The following DPYSL2 variants were observed in gnomAD, a reference collection of about 807,000 sequenced individuals.
DPYSL2 encodes the protein dihydropyrimidinase like 2, also known as dihydropyrimidinase-related protein 2.
In DPYSL2, 13 loss-of-function variants were observed where a neutral mutation model predicts 69.9. That is an observed-to-expected ratio of 0.19 (90% CI 0.12 to 0.30). The LOEUF is 0.30. DPYSL2 is among the 10% of genes least tolerant of loss of function. DPYSL2 has a pLI of 1.00. For synonymous variants in DPYSL2, 326 were observed against 359.1 expected (o/e 0.91, Z 1.04); for missense variants, 587 against 918.9 (o/e 0.64, Z 4.67).
chr8:26,546,921 C>CAAAAAAA lies in DPYSL2; in HGVS notation c.354+32266_354+32272dup, dbSNP rs61360009. ...TGGGCGACTGAGGGAGACTCAGTCT[C>CAAAAAAA]AAAAAAAAAAAAAAAAAAAAAAAAA... On this transcript the variant is annotated intron_variant, in intron 1 of 13. Coordinates refer to ENST00000521913, the MANE Select transcript of DPYSL2 (RefSeq NM_001197293.3). 5.6e-4 allele frequency among the ~76,000 whole-genome samples: 26 copies of CAAAAAAA among 46,212 alleles called. 1 individual carries two copies. The highest frequency in any genetic ancestry group is 1.5e-3 in the African/African-American group (13 of 8,886). The allele number at this position is 46,212 out of a possible 152,430, so 30.3% of individuals were successfully genotyped here.
chr8:26,529,106 G>A (rs938770480), intron 1 of DPYSL2, among the ~76,000 whole-genome samples: 2 of 152,118 alleles, frequency 1.3e-5, no homozygotes, highest in African/African-American at 4.8e-5. Flanking sequence ...TCCAGGATCG[G>A]CAAGGCCCCA....
At chr8:26,583,729 A>C in intron 2 of DPYSL2, 70 bp from the exon 3 acceptor site, 1 of 1,413,180 alleles carries the variant, frequency 7.1e-7, no homozygotes, top group Admixed American at 2.0e-5. Context: ...AGGTTAGTGA[A>C]AGTAGCTGTC....
Position 26,624,913 on chromosome 8 carries a change from C to G in DPYSL2, c.793+606C>G, listed in dbSNP as rs551677569. On this transcript the variant is annotated intron_variant, in intron 4 of 13. Transcript: ENST00000521913. This position sits in a 1 kb window ranked among gnomAD's most constrained non-coding sequence, Gnocchi z 4.7. ...CTGGGACTCTTGTCAACAAGAACCT[C>G]GGGGGTTTGCGGGGAAGAGCCAGGC... Among the ~76,000 whole-genome samples, 1 of 152,140 alleles carries G rather than the reference C, an allele frequency of 6.6e-6. No homozygotes were observed. Among genetic ancestry groups the G allele is most frequent in the Non-Finnish European group, 1.5e-5 (1 of 68,004 alleles).
Position 26,624,190 on chromosome 8 carries a change from G to A in DPYSL2, c.676G>A (p.Asp226Asn), listed in dbSNP as rs776680487. The change falls in exon 4 of 14, where the codon GAC (aspartate) becomes AAC (asparagine). Residue 226 changes from aspartate to asparagine, a missense_variant. By Grantham distance (23) the Asp-to-Asn change is conservative (BLOSUM62 1). Coordinates refer to ENST00000521913, the MANE Select transcript of DPYSL2 (RefSeq NM_001197293.3). This position sits in a 1 kb window ranked among gnomAD's most constrained non-coding sequence, Gnocchi z 4.7. ...TGGGACAAGCCTGCTCGCTGCCTTT[G>A]ACCAGTGGAGGGAATGGGCCGACAG... ...EPGTSLLAAF[D>N]QWREWADSKS... 1.2e-6 allele frequency: 2 copies of A among 1,614,180 alleles called. No individual in the cohort carries two copies. Among genetic ancestry groups the A allele is most frequent in the Admixed American group, 3.3e-5 (2 of 60,024 alleles).
chr8:26,592,215 G>A (rs1222366734), intron 3 of DPYSL2, among the ~76,000 whole-genome samples: 1 of 152,170 alleles, frequency 6.6e-6, no homozygotes, highest in Non-Finnish European at 1.5e-5. Flanking sequence ...AGGCTGTAGT[G>A]CAGTGTTGCG....
rs1348782046 is a variant in DPYSL2 at position 26,549,628 on chromosome 8, C to T, written c.355-32341C>T. Among the ~76,000 whole-genome samples the T allele has an allele frequency of 2.6e-5, 4 of 152,186 alleles. No homozygotes were observed. In the East Asian group the frequency reaches 7.7e-4, roughly 29 times the overall value. ...TATCCCTGGGCATATCACATTCAAG[C>T]TGCAGAAAATCAAAGACAGAAAGAA... On this transcript the variant is annotated intron_variant, in intron 1 of 13. Transcript: ENST00000521913.
chr8:26,531,539 G>A (rs1270989747), intron 1 of DPYSL2, among the ~76,000 whole-genome samples: 1 of 152,202 alleles, frequency 6.6e-6, no homozygotes, highest in Non-Finnish European at 1.5e-5. Context: ...GCCATCTAGA[G>A]CTGGGATGAA....
Position 26,593,864 on chromosome 8 carries a change from ACT to A in DPYSL2, c.628+9886_628+9887del. On this transcript the variant is annotated intron_variant, in intron 3 of 13. Transcript: ENST00000521913. The surrounding 1 kb of genome is among the most constrained non-coding windows in gnomAD (Gnocchi z 5.7). Reference sequence around the variant, plus strand: ...AATCTGTAGTGTTTATGACCTAATCACTCTCTAATGATAGGTCAGGACTGGAA... The same window carrying A: ...AATCTGTAGTGTTTATGACCTAATCACTCTAATGATAGGTCAGGACTGGAA... Among the ~76,000 whole-genome samples, 1 of 151,966 alleles carries A rather than the reference ACT, an allele frequency of 6.6e-6. No individual in the cohort carries two copies. Among genetic ancestry groups the A allele is most frequent in the South Asian group, 2.1e-4 (1 of 4,806 alleles).
At chr8:26,637,866 A>G (rs566885113) in intron 8 of DPYSL2, 1 of 152,338 alleles carries the variant, frequency 6.6e-6, no homozygotes, top group East Asian at 1.9e-4. Flanking sequence ...TATTGCAGGT[A>G]AAGATGGAGA....
At chr8:26,622,152 T>TC (rs1211160275) in intron 3 of DPYSL2, among the ~76,000 whole-genome samples, 1,874 of 65,098 alleles carry the variant, frequency 0.029, 24 homozygotes, top group Middle Eastern at 0.042. Flanking sequence ...CTTCCTTCCT[T>TC]CCTTCCCTCT....
At chr8:26,557,615 TA>T (rs1801009262) in intron 1 of DPYSL2, among the ~76,000 whole-genome samples, 1 of 5,256 alleles carries the variant, frequency 1.9e-4, no homozygotes. Flanking sequence ...CTGTCTCTAC[TA>T]AAAATACAAA....
intron 1 of DPYSL2, among the ~76,000 whole-genome samples, chr8:26,551,329 C>T (rs1800870694): frequency 6.6e-6 from 1 of 152,136 alleles, no homozygotes; most frequent in African/African-American, 2.4e-5. Context: ...GGAAAATTAT[C>T]AGGGATAAAG....
chr8:26,573,407 G>C (rs768984827), intron 1 of DPYSL2, among the ~76,000 whole-genome samples: 1 of 151,940 alleles, frequency 6.6e-6, no homozygotes, highest in Admixed American at 6.6e-5. Context: ...GGTGGCTCAC[G>C]CCTGTAATCC....
chr8:26,630,653 C>T lies in DPYSL2; in HGVS notation c.1005+2713C>T, dbSNP rs4732714. Among the ~76,000 whole-genome samples the T allele has an allele frequency of 7.7e-3, 1,172 of 152,260 alleles. 41 individuals are homozygous for T. The highest frequency in any genetic ancestry group is 0.062 in the East Asian group (323 of 5,170). On this transcript the variant is annotated intron_variant, in intron 7 of 13. Transcript: ENST00000521913. ...AGGCTGCATGGCTGTATTCAGGGAGCACCATTTACATTCTACTGCCCATGA... is the reference window on the plus strand; with the variant it reads ...AGGCTGCATGGCTGTATTCAGGGAGTACCATTTACATTCTACTGCCCATGA...
intron 1 of DPYSL2, among the ~76,000 whole-genome samples, chr8:26,536,686 A>G (rs1352428271): frequency 6.6e-6 from 1 of 152,026 alleles, no homozygotes; most frequent in Non-Finnish European, 1.5e-5. Context: ...CAAACAAACA[A>G]ACAAACAAAA....
At chr8:26,547,817 C>A in intron 1 of DPYSL2, 1 of 360,238 alleles carries the variant, frequency 2.8e-6, no homozygotes, top group South Asian at 2.5e-5. Flanking sequence ...AGATTCTTGC[C>A]ACAGAAAGTC....
intron 1 of DPYSL2, among the ~76,000 whole-genome samples, chr8:26,544,941 A>C (rs1170570409): frequency 6.6e-6 from 1 of 152,244 alleles, no homozygotes; most frequent in Non-Finnish European, 1.5e-5. Context: ...TAAAAAGGTC[A>C]GTTCTACAGG....
intron 1 of DPYSL2, among the ~76,000 whole-genome samples, chr8:26,563,553 G>T (rs1281448848): frequency 6.6e-6 from 1 of 152,138 alleles, no homozygotes; most frequent in African/African-American, 2.4e-5. Context: ...CCCTCCAGAG[G>T]CAAAGTCAGA....
intron 1 of DPYSL2, among the ~76,000 whole-genome samples, chr8:26,525,663 A>G (rs1201589670): frequency 2.0e-5 from 3 of 152,236 alleles, no homozygotes; most frequent in Non-Finnish European, 4.4e-5. Flanking sequence ...CTTATATTTT[A>G]ATATGCTGAA....
Sources: gnomAD v4.1 joint callset for allele counts (sites outside exome capture counted in the v4.1 genomes callset) on GRCh38, gnomAD v4.1.1 for gene constraint, Gnocchi (gnomAD v3.1) non-coding constraint, MANE v1.5 for transcripts, NCBI Gene and HGNC (gene_info 2026-07-23, HGNC 2026-07-21) for gene names.